Variants in PCDHGA1 observed in about 807,000 individuals in gnomAD.
PCDHGA1 encodes the protein protocadherin gamma subfamily A, 1, also known as protocadherin gamma-A1.
In PCDHGA1, 32 loss-of-function variants were observed where a neutral mutation model predicts 58.0. The ratio of observed to expected loss-of-function variants is 0.55; its 90% confidence interval spans 0.42 to 0.74. The LOEUF is 0.74. PCDHGA1 is among the 30% of genes least tolerant of loss of function. The pLI is 0.00. For missense variants in PCDHGA1, 1,205 were observed against 1,182.3 expected (o/e 1.02, Z -0.28); for synonymous variants, 498 against 501.1 (o/e 0.99, Z 0.08).
intron 1 of PCDHGA1, chr5:141,346,470 A>G (rs374721996): frequency 6.2e-7 from 1 of 1,613,754 alleles, no homozygotes; most frequent in South Asian, 1.1e-5. Context: ...GAGTTTATTT[A>G]TTTCTTTGAT....
chr5:141,490,009 A>T lies in PCDHGA1; in HGVS notation c.2422-4798A>T. Reference sequence around the variant, plus strand: ...TGTGGGAATCCCAGAGAATGCACCCATTGGTACTCTGCTGCTCCGCCTCAA... The same window carrying T: ...TGTGGGAATCCCAGAGAATGCACCCTTTGGTACTCTGCTGCTCCGCCTCAA... On this transcript the variant is annotated intron_variant, in intron 1 of 3. Transcript: ENST00000517417. The surrounding 1 kb of genome is among the most constrained non-coding windows in gnomAD (Gnocchi z 5.4). 5 of 1,614,214 alleles carry T rather than the reference A, an allele frequency of 3.1e-6. No individual in the cohort carries two copies. The highest frequency in any genetic ancestry group is 4.2e-6 in the Non-Finnish European group (5 of 1,180,032).
At position 141,372,426 on chromosome 5, in the gene PCDHGA1, C is replaced by A; in HGVS notation, c.2421+39321C>A. ...AGAGATACAACCTGACCTTAGCGAC[C>A]GCCCCACTCCCTCTGACCCTCAGGC... On this transcript the variant is annotated intron_variant, in intron 1 of 3. Coordinates refer to ENST00000517417, the MANE Select transcript of PCDHGA1 (RefSeq NM_018912.3). 1 of 1,614,026 alleles carries A rather than the reference C, an allele frequency of 6.2e-7. No individual in the cohort carries two copies. Among genetic ancestry groups the A allele is most frequent in the Non-Finnish European group, 8.5e-7 (1 of 1,179,890 alleles).
chr5:141,390,043 C>T, intron 1 of PCDHGA1: 2 of 1,614,064 alleles, frequency 1.2e-6, no homozygotes, highest in Non-Finnish European at 8.5e-7. Flanking sequence ...TCCAGCCCCG[C>T]CTCCTGGAGC....
intron 1 of PCDHGA1, chr5:141,350,456 G>T: frequency 1.2e-6 from 2 of 1,613,442 alleles, no homozygotes; most frequent in East Asian, 2.2e-5. Context: ...AAAACTGCGG[G>T]TTAGTGCAGA....
chr5:141,366,058 G>C, intron 1 of PCDHGA1: 2 of 1,614,242 alleles, frequency 1.2e-6, no homozygotes, highest in East Asian at 2.2e-5. Flanking sequence ...CGGGCGTGGA[G>C]CTGGCGCCTC....
intron 1 of PCDHGA1, chr5:141,376,173 T>C (rs531193543): frequency 1.3e-5 from 21 of 1,614,092 alleles, no homozygotes; most frequent in East Asian, 2.2e-5. Flanking sequence ...GTGGTGGCGG[T>C]GGCCGCGGTC....
At chr5:141,416,210 A>G (rs1264276644) in intron 1 of PCDHGA1, 2 of 152,420 alleles carry the variant, frequency 1.3e-5, no homozygotes, top group African/African-American at 4.8e-5. Flanking sequence ...TATTTATAAC[A>G]ATGTATGCTT....
intron 1 of PCDHGA1, chr5:141,355,814 A>T: frequency 6.2e-7 from 1 of 1,613,248 alleles, no homozygotes; most frequent in Non-Finnish European, 8.5e-7. Context: ...CGCGAGGAAG[A>T]GGCGGTTCAC....
In PCDHGA1 at chr5:141,485,822, G is replaced by A. The variant is rs750883983; in HGVS notation, c.2422-8985G>A. 6.2e-7 allele frequency: 1 copy of A among 1,614,192 alleles called. No individual in the cohort carries two copies. The highest frequency in any genetic ancestry group is 1.1e-5 in the South Asian group (1 of 91,080). ...CCGCCTGGTGCTGACTGCTGTCGAT[G>A]GAGGGAACCCGCCGAGATCTGGCAC... On this transcript the variant is annotated intron_variant, in intron 1 of 3. Transcript: ENST00000517417. This position sits in a 1 kb window ranked among gnomAD's most constrained non-coding sequence, Gnocchi z 5.7.
intron 1 of PCDHGA1, chr5:141,357,816 T>C: frequency 1.4e-6 from 1 of 715,180 alleles, no homozygotes; most frequent in Non-Finnish European, 2.2e-6. Context: ...TTATTACTTA[T>C]CCTTTTTGGT....
At position 141,491,023 on chromosome 5, in the gene PCDHGA1, G is replaced by A. The variant is rs773185039; in HGVS notation, c.2422-3784G>A. 17 of 1,613,990 alleles carry A rather than the reference G, an allele frequency of 1.1e-5. No individual in the cohort carries two copies. Among genetic ancestry groups the A allele is most frequent in the Admixed American group, 5.0e-5 (3 of 60,008 alleles). ...CTCCTTGGTCACCAAGGTGACAGCC[G>A]TGGATGCTGATGCAGGCCACAATGC... On this transcript the variant is annotated intron_variant, in intron 1 of 3. Coordinates refer to ENST00000517417, the MANE Select transcript of PCDHGA1 (RefSeq NM_018912.3). The surrounding 1 kb of genome is among the most constrained non-coding windows in gnomAD (Gnocchi z 6.9).
At chr5:141,410,787 T>C in intron 1 of PCDHGA1, 2 of 844,672 alleles carry the variant, frequency 2.4e-6, no homozygotes, top group South Asian at 4.4e-5. Flanking sequence ...TGTATTTGGT[T>C]CATAAGTTGC....
rs769153122 is a variant in PCDHGA1 at position 141,485,243 on chromosome 5, C to T, written c.2422-9564C>T. 8 of 1,614,062 alleles carry T rather than the reference C, an allele frequency of 5.0e-6. No homozygotes were observed. In the Admixed American group the frequency reaches 1.2e-4, roughly 24 times the overall value. ...TACCCTTTTGTTCCTCTTTTACCACCTGGGTTACGTTTGTGGGCAGATCCG... is the reference window on the plus strand; with the variant it reads ...TACCCTTTTGTTCCTCTTTTACCACTTGGGTTACGTTTGTGGGCAGATCCG... On this transcript the variant is annotated intron_variant, in intron 1 of 3. Transcript: ENST00000517417. The surrounding 1 kb of genome is among the most constrained non-coding windows in gnomAD (Gnocchi z 5.7).
chr5:141,346,216 C>G, intron 1 of PCDHGA1: 1 of 1,614,178 alleles, frequency 6.2e-7, no homozygotes, highest in Non-Finnish European at 8.5e-7. Flanking sequence ...CTGCAGGCTT[C>G]GGGAGGCGGC....
At chr5:141,398,416 G>A (rs2093654818) in intron 1 of PCDHGA1, 3 of 1,496,580 alleles carry the variant, frequency 2.0e-6, no homozygotes, top group South Asian at 1.1e-5. Flanking sequence ...GGAGATATGC[G>A]GGAAGAAGCC....
At chr5:141,403,334 G>T (rs2094392979) in intron 1 of PCDHGA1, 2 of 1,613,972 alleles carry the variant, frequency 1.2e-6, no homozygotes, top group Non-Finnish European at 1.7e-6. Flanking sequence ...TGATATTAAC[G>T]ACAGCGCCCC....
At position 141,477,068 on chromosome 5, in the gene PCDHGA1, C is replaced by A; in HGVS notation, c.2422-17739C>A. 6.2e-7 allele frequency: 1 copy of A among 1,614,268 alleles called. No homozygotes were observed. The highest frequency in any genetic ancestry group is 8.5e-7 in the Non-Finnish European group (1 of 1,180,046). On this transcript the variant is annotated intron_variant, in intron 1 of 3. Transcript: ENST00000517417. This position sits in a 1 kb window ranked among gnomAD's most constrained non-coding sequence, Gnocchi z 4.9. ...GCTGGACTTCGAGGACACCAAACTCCATGAGATTTACATCCAGGCCAAAGA... is the reference window on the plus strand; with the variant it reads ...GCTGGACTTCGAGGACACCAAACTCAATGAGATTTACATCCAGGCCAAAGA...
At position 141,432,135 on chromosome 5, in the gene PCDHGA1, C is replaced by T; in HGVS notation, c.2422-62672C>T. On this transcript the variant is annotated intron_variant, in intron 1 of 3. Transcript: ENST00000517417. This position sits in a 1 kb window ranked among gnomAD's most constrained non-coding sequence, Gnocchi z 6.0. ...GTCTTCCCTCAGGCCTCCTATTCCGCTTATATCCCAGAGAACAATCCCAGA... is the reference window on the plus strand; with the variant it reads ...GTCTTCCCTCAGGCCTCCTATTCCGTTTATATCCCAGAGAACAATCCCAGA... The T allele has an allele frequency of 6.2e-7, 1 of 1,614,140 alleles. No homozygotes were observed. Among genetic ancestry groups the T allele is most frequent in the Non-Finnish European group, 8.5e-7 (1 of 1,180,026 alleles).
chr5:141,384,184 A>C (rs1179495803), intron 1 of PCDHGA1: 2 of 1,613,640 alleles, frequency 1.2e-6, no homozygotes, highest in Non-Finnish European at 1.7e-6. Flanking sequence ...AGATGGTGGA[A>C]CTCCTCCCTT....
Sources: allele counts gnomAD v4.1 joint callset, GRCh38; gene constraint gnomAD v4.1.1; non-coding constraint Gnocchi (gnomAD v3.1); transcripts MANE v1.5; gene names NCBI Gene and HGNC (gene_info 2026-07-23, HGNC 2026-07-21).